The following LDLRAD3 variants were observed in gnomAD, a reference collection of about 807,000 sequenced individuals.
The protein encoded by LDLRAD3 is low-density lipoprotein receptor class A domain-containing protein 3.
LDLRAD3 carries 20 observed loss-of-function variants against 29.4 expected under a neutral mutation model. That is an observed-to-expected ratio of 0.68 (90% CI 0.48 to 0.99). The LOEUF (loss-of-function observed/expected upper bound fraction) is 0.99, where lower values mean the gene tolerates loss of function less well. LDLRAD3 is among the 50% of genes least tolerant of loss of function. The probability of loss-of-function intolerance (pLI) is 0.00; values close to 1 mark genes in which losing one functional copy is unlikely to be tolerated. For synonymous variants in LDLRAD3, 157 were observed against 192.7 expected (o/e 0.81, Z 1.53); for missense variants, 420 against 454.3 (o/e 0.92, Z 0.69).
At chr11:36,016,696 G>C (rs1300244468) in intron 1 of LDLRAD3, among the ~76,000 whole-genome samples, 1 of 152,174 alleles carries the variant, frequency 6.6e-6, no homozygotes, top group Non-Finnish European at 1.5e-5. Context: ...CCTGCAGAGT[G>C]TGTGTTCTAA....
chr11:35,998,505 CA>C (rs777060949), intron 1 of LDLRAD3, among the ~76,000 whole-genome samples: 5 of 152,280 alleles, frequency 3.3e-5, no homozygotes, highest in Non-Finnish European at 7.4e-5. Flanking sequence ...GCCTGTTGGG[CA>C]GGCTGATCTA....
intron 4 of LDLRAD3, among the ~76,000 whole-genome samples, chr11:36,202,193 C>A (rs569120349): frequency 6.6e-6 from 1 of 152,192 alleles, no homozygotes; most frequent in South Asian, 2.1e-4. Flanking sequence ...AGGTGTGCAC[C>A]ACCACGCCCA....
chr11:35,995,898 G>A (rs1449162735), intron 1 of LDLRAD3, among the ~76,000 whole-genome samples: 2 of 152,210 alleles, frequency 1.3e-5, no homozygotes. Flanking sequence ...GAATTGAAGA[G>A]TTAGAGCCTT....
At chr11:35,997,900 T>C (rs1374891227) in intron 1 of LDLRAD3, among the ~76,000 whole-genome samples, 1 of 152,250 alleles carries the variant, frequency 6.6e-6, no homozygotes, top group Non-Finnish European at 1.5e-5. Flanking sequence ...GCCTCCTGTC[T>C]TTTCGCTGTC....
At chr11:35,981,203 C>A (rs1350586863) in intron 1 of LDLRAD3, among the ~76,000 whole-genome samples, 1 of 18,130 alleles carries the variant, frequency 5.5e-5, no homozygotes, top group Non-Finnish European at 1.1e-4. Context: ...CAGTGGGCAG[C>A]GGGCGGGGGT....
intron 1 of LDLRAD3, among the ~76,000 whole-genome samples, chr11:36,010,389 GAATTAGTGA>G (rs1340051143): frequency 1.3e-5 from 2 of 152,104 alleles, no homozygotes; most frequent in African/African-American, 4.8e-5. Flanking sequence ...ATATATTTTG[GAATTAGTGA>G]AGATAGACCC....
intron 1 of LDLRAD3, among the ~76,000 whole-genome samples, chr11:35,965,432 T>C (rs965183140): frequency 2.6e-5 from 4 of 152,204 alleles, no homozygotes; most frequent in Non-Finnish European, 5.9e-5. Flanking sequence ...GTAGAGACTA[T>C]TCTGTTCAGA....
At chr11:36,077,339 G>T (rs187063488) in intron 2 of LDLRAD3, among the ~76,000 whole-genome samples, 431 of 152,224 alleles carry the variant, frequency 2.8e-3, no homozygotes, top group African/African-American at 9.3e-3. Flanking sequence ...GTACTGTTAC[G>T]GGATCTTTGG....
intron 4 of LDLRAD3, among the ~76,000 whole-genome samples, chr11:36,143,981 C>T (rs11033460): frequency 6.9e-6 from 1 of 144,218 alleles, no homozygotes; most frequent in African/African-American, 2.6e-5. Flanking sequence ...GATGCCGAGC[C>T]GAAGCTGGAC....
intron 4 of LDLRAD3, chr11:36,183,952 A>G (rs1356545921): frequency 9.9e-6 from 3 of 302,592 alleles, no homozygotes; most frequent in South Asian, 2.6e-5. Context: ...CTTTTTCCAA[A>G]TATATTTCAT....
At chr11:36,026,833 C>T (rs182741605) in intron 1 of LDLRAD3, among the ~76,000 whole-genome samples, 26 of 152,306 alleles carry the variant, frequency 1.7e-4, no homozygotes, top group South Asian at 1.5e-3. Context: ...GAATTGCCCA[C>T]CCCTTTCCTA....
At chr11:35,985,896 C>T (rs1013241432) in intron 1 of LDLRAD3, among the ~76,000 whole-genome samples, 11 of 151,342 alleles carry the variant, frequency 7.3e-5, no homozygotes, top group Non-Finnish European at 1.5e-4. Context: ...TTATTAGCAC[C>T]GTGAGAACAG....
At chr11:36,054,466 C>T (rs75502984) in intron 2 of LDLRAD3, among the ~76,000 whole-genome samples, 3,905 of 152,248 alleles carry the variant, frequency 0.026, 157 homozygotes, top group African/African-American at 0.089. Flanking sequence ...TCTTCTTGAC[C>T]CTGCATGGAA....
intron 4 of LDLRAD3, among the ~76,000 whole-genome samples, chr11:36,133,654 C>G (rs891703086): frequency 6.6e-6 from 1 of 151,620 alleles, no homozygotes; most frequent in Non-Finnish European, 1.5e-5. Context: ...CTGCCTCAGC[C>G]TCCCGAGTAG....
intron 4 of LDLRAD3, among the ~76,000 whole-genome samples, chr11:36,134,586 G>A (rs1434515686): frequency 6.6e-6 from 1 of 152,202 alleles, no homozygotes; most frequent in Non-Finnish European, 1.5e-5. Flanking sequence ...GGGAACTCTT[G>A]TAGGCCCCCT....
intron 1 of LDLRAD3, among the ~76,000 whole-genome samples, chr11:35,950,278 T>G (rs977744063): frequency 2.0e-5 from 3 of 152,146 alleles, no homozygotes; most frequent in Non-Finnish European, 2.9e-5. Flanking sequence ...CAGGCAAACA[T>G]GGGTACTGCG....
At chr11:35,963,217 T>C (rs780692609) in intron 1 of LDLRAD3, among the ~76,000 whole-genome samples, 3 of 152,238 alleles carry the variant, frequency 2.0e-5, no homozygotes, top group African/African-American at 7.2e-5. Flanking sequence ...GATAGTTTTT[T>C]TGGGTAAACA....
chr11:35,990,449 G>A (rs1368847440), intron 1 of LDLRAD3, among the ~76,000 whole-genome samples: 3 of 150,998 alleles, frequency 2.0e-5, no homozygotes, highest in South Asian at 2.1e-4. Flanking sequence ...ATGGAATCTC[G>A]CTCTGTCACC....
At chr11:36,224,106 A>T (rs867065792) in intron 4 of LDLRAD3, among the ~76,000 whole-genome samples, 10 of 149,162 alleles carry the variant, frequency 6.7e-5, no homozygotes, top group Admixed American at 2.0e-4. Flanking sequence ...ATATAATAAT[A>T]ATTATTATTT....
Sources: allele counts gnomAD v4.1 joint callset (sites outside exome capture counted in the v4.1 genomes callset), GRCh38; gene constraint gnomAD v4.1.1; transcripts MANE v1.5; gene names NCBI Gene and HGNC (gene_info 2026-07-23, HGNC 2026-07-21).